TICRR: variants seen among roughly 807,000 people sequenced by gnomAD.
The protein encoded by TICRR is treslin.
A neutral mutation model predicts 178.1 loss-of-function variants in TICRR; 132 were observed. The observed-to-expected ratio is 0.74, with a 90% CI of 0.64 to 0.86. The LOEUF (loss-of-function observed/expected upper bound fraction) is 0.86. Ranked by LOEUF, TICRR falls within the 40% of genes least tolerant of loss-of-function variation. The pLI is 0.00. For synonymous variants in TICRR, 991 were observed against 900.7 expected, an observed-to-expected ratio of 1.10 and a Z score of -1.79; for missense variants, 2,587 against 2,334.3, an observed-to-expected ratio of 1.11 and a Z score of -2.23.
intron 4 of TICRR, among the ~76,000 whole-genome samples, chr15:89,590,433 T>A (rs1255868773): frequency 6.6e-6 from 1 of 152,206 alleles, no homozygotes; most frequent in Non-Finnish European, 1.5e-5. Flanking sequence ...GTATCTTGAC[T>A]ATTTATATAG....
intron 1 of TICRR, chr15:89,580,280 G>A (rs1327892859): frequency 6.6e-6 from 1 of 152,250 alleles, no homozygotes; most frequent in Non-Finnish European, 1.5e-5. Context: ...GTGGATCAAA[G>A]TGAGGGGTGT....
chr15:89,584,798 T>G (rs1183130322), intron 3 of TICRR, among the ~76,000 whole-genome samples: 1 of 152,204 alleles, frequency 6.6e-6, no homozygotes, highest in African/African-American at 2.4e-5. Context: ...TATGTTAGGG[T>G]AGTAATGTGA....
At chr15:89,585,287 A>G (rs1962800936) in intron 3 of TICRR, among the ~76,000 whole-genome samples, 2 of 152,216 alleles carry the variant, frequency 1.3e-5, no homozygotes, top group South Asian at 4.1e-4. Flanking sequence ...AAATCACTCA[A>G]GTGGTATTTC....
chr15:89,608,476 C>T (rs1403433491), intron 14 of TICRR, among the ~76,000 whole-genome samples: 7 of 152,192 alleles, frequency 4.6e-5, no homozygotes, highest in Admixed American at 3.9e-4. Context: ...AACTGATATT[C>T]AGGGTACCAA....
At chr15:89,621,665 G>C (rs1028175693) in intron 19 of TICRR, 115 bp downstream of exon 19, 1 of 823,792 alleles carries the variant, frequency 1.2e-6, no homozygotes. Context: ...GATAATACTA[G>C]AGATTGGAGG....
chr15:89,580,016 A>G (rs1422290110), intron 1 of TICRR: 2 of 152,190 alleles, frequency 1.3e-5, no homozygotes, highest in Non-Finnish European at 2.9e-5. Flanking sequence ...TTAAAGTTAC[A>G]TCTTCCCACC....
At chr15:89,585,995 C>A in intron 4 of TICRR, 53 bp downstream of exon 4, 1 of 1,451,998 alleles carries the variant, frequency 6.9e-7, no homozygotes, top group Non-Finnish European at 9.6e-7. Context: ...GCAGTCTTTT[C>A]AAGCATCGGG....
rs1023828237 is a variant in TICRR, at chr15:89,627,279, G to C, written c.*193G>C. ...GGCCCTGCCCCTTGTTGGGGAAGTT[G>C]CAGGAGGAGAGGTGGATGGCAATGT... On this transcript the variant is annotated 3_prime_UTR_variant, in exon 22 of 22. Transcript: ENST00000268138. 1.5e-6 allele frequency: 1 copy of C among 666,934 alleles called. No individual in the cohort carries two copies. Among genetic ancestry groups the C allele is most frequent in the African/African-American group, 1.8e-5 (1 of 55,134 alleles). The allele number at this position is 666,934 out of a possible 1,614,324, so 41.3% of individuals were successfully genotyped here.
rs755087539 is a variant in TICRR, at chr15:89,575,552, C to A, written c.-35C>A. ...GGGACTAAGGGACGGTGGCGCGGGC[C>A]CGGACCGGGGCCCCGGGGCGGCGGC... On this transcript the variant is annotated 5_prime_UTR_variant, in exon 1 of 22. Transcript: ENST00000268138. 9.0e-6 allele frequency: 13 copies of A among 1,447,820 alleles called. No individual in the cohort carries two copies. The South Asian group carries it at 1.8e-4, about 20-fold the overall frequency. 89.7% of individuals were successfully genotyped at this position (1,447,820 alleles called of 1,614,324 possible). A position where few individuals can be genotyped will look rare whatever the true frequency, so the allele number is the denominator to read the frequency against.
At chr15:89,615,441 G>T (rs1431865528) in intron 15 of TICRR, among the ~76,000 whole-genome samples, 2 of 152,324 alleles carry the variant, frequency 1.3e-5, no homozygotes, top group African/African-American at 4.8e-5. Context: ...GGGGGAAGGG[G>T]CAGGGACTAA....
At position 89,608,826 on chromosome 15, in the gene TICRR, CT is replaced by C. The variant is rs776764060; in HGVS notation, c.2750del (p.Phe917SerfsTer13). On this transcript the variant is annotated frameshift_variant, in exon 15 of 22. Transcript: ENST00000268138. LOFTEE classifies it high-confidence loss of function. ...VQEVTKVRRN[L>X]FNQELLSPSK... ...AGAAGTGACCAAAGTTCGAAGAAAT[CT>C]TTTCAACCAGGAATTGCTTTCCCCT... 1 of 1,601,332 alleles carries C rather than the reference CT, an allele frequency of 6.2e-7. No homozygotes were observed. Among genetic ancestry groups the C allele is most frequent in the Non-Finnish European group, 8.5e-7 (1 of 1,175,858 alleles).
rs1393099452 is a variant in TICRR at position 89,621,542 on chromosome 15, G to C, written c.3304G>C (p.Ala1102Pro). The change falls in exon 19 of 22, where the codon GCT becomes CCT. Residue 1102 changes from alanine (A) to proline (P), a missense_variant. By Grantham distance (27) the Ala-to-Pro change is conservative. Coordinates refer to ENST00000268138, the MANE Select transcript of TICRR (RefSeq NM_152259.4). ...RNTLDSEVPA[A>P]YQTPKKSHQK... The stretch of plus-strand genomic sequence containing the variant: ...CACTTTGGATTCGGAGGTACCTGCA[G>C]CTTACCAGGTATAATGTTTCTGTAA... 5 of 1,610,602 alleles carry C rather than the reference G, an allele frequency of 3.1e-6. No homozygotes were observed. The highest frequency in any genetic ancestry group is 1.3e-5 in the African/African-American group (1 of 74,708).
Position 89,575,935 on chromosome 15 carries a change from G to T in TICRR, c.349G>T (p.Glu117Ter). ...TLLDYQWDRP[E>*]ITSPTKPILR... ...GCTAGACTACCAGTGGGACCGGCCC[G>T]AGATCACGTCGCCCACGAAGCCGAT... is the stretch of plus-strand genomic sequence containing the variant. The change falls in exon 1 of 22, where the codon GAG becomes TAG. Residue 117 changes from glutamate to a stop codon, truncating the protein, a stop_gained. Coordinates refer to ENST00000268138, the MANE Select transcript of TICRR (RefSeq NM_152259.4). LOFTEE classifies it high-confidence loss of function. 1.9e-6 allele frequency: 3 copies of T among 1,596,504 alleles called. No individual in the cohort carries two copies. The highest frequency in any genetic ancestry group is 1.3e-5 in the African/African-American group (1 of 74,698).
chr15:89,623,562 AAC>A (rs1963458814), intron 19 of TICRR, 59 bp from the exon 20 acceptor site: 2 of 1,499,228 alleles, frequency 1.3e-6, no homozygotes, highest in Non-Finnish European at 9.0e-7. Context: ...AGATTACTAA[AAC>A]ACTTCAGAGA....
chr15:89,625,994 G>A lies in TICRR; in HGVS notation c.5535G>A (p.Gln1845=). Reference sequence around the variant, plus strand: ...GCTGCCTCTCTGCCAGTGCCCTCCAGGCTCTGACCCAGTCTCCGCTGCTGT... The same window carrying A: ...GCTGCCTCTCTGCCAGTGCCCTCCAAGCTCTGACCCAGTCTCCGCTGCTGT... ...VRSCLSASAL[Q]ALTQSPLLFQ... The change falls in exon 21 of 22, where the codon CAG becomes CAA. Residue 1845 remains glutamine, a synonymous_variant. Transcript: ENST00000268138. 1 of 1,610,740 alleles carries A rather than the reference G, an allele frequency of 6.2e-7. No individual in the cohort carries two copies. Among genetic ancestry groups the A allele is most frequent in the Non-Finnish European group, 8.5e-7 (1 of 1,178,444 alleles).
rs1336842257 is a variant in TICRR, at chr15:89,619,585, A to G, written c.3020-123A>G. 1.4e-5 allele frequency: 14 copies of G among 1,023,760 alleles called. No individual in the cohort carries two copies. The East Asian group carries it at 3.4e-4, about 25-fold the overall frequency. 63.4% of individuals were successfully genotyped at this position (1,023,760 alleles called of 1,614,324 possible). ...ACACTTCAGAAGTCTCTTAAAGCTA[A>G]TAGCTTGCTGAATTTCCATCTTATA... On this transcript the variant is annotated intron_variant, in intron 17 of 21. Coordinates refer to ENST00000268138, the MANE Select transcript of TICRR (RefSeq NM_152259.4).
intron 19 of TICRR, among the ~76,000 whole-genome samples, chr15:89,623,273 A>G (rs1963454993): frequency 6.6e-6 from 1 of 152,248 alleles, no homozygotes; most frequent in Admixed American, 6.5e-5. Flanking sequence ...CTTTAGGCAA[A>G]GATCAGAAAT....
chr15:89,587,549 G>T (rs187299863), intron 4 of TICRR, among the ~76,000 whole-genome samples: 2 of 152,178 alleles, frequency 1.3e-5, no homozygotes, highest in African/African-American at 4.8e-5. Flanking sequence ...GGGGACAGTC[G>T]CTGAGTTAAA....
intron 16 of TICRR, among the ~76,000 whole-genome samples, chr15:89,617,533 C>G (rs551041152): frequency 6.6e-6 from 1 of 152,170 alleles, no homozygotes; most frequent in South Asian, 2.1e-4. Flanking sequence ...CCATCTCACT[C>G]TTTTTCTGAG....
Sources: allele counts gnomAD v4.1 joint callset (sites outside exome capture counted in the v4.1 genomes callset), GRCh38; gene constraint gnomAD v4.1.1; transcripts MANE v1.5; gene names NCBI Gene and HGNC (gene_info 2026-07-23, HGNC 2026-07-21).